The following PIK3CB variants were observed in gnomAD, a reference collection of about 807,000 sequenced individuals.
The protein encoded by PIK3CB is phosphatidylinositol-4,5-bisphosphate 3-kinase catalytic subunit beta, also known as phosphatidylinositol 4,5-bisphosphate 3-kinase catalytic subunit beta isoform.
PIK3CB carries 39 observed loss-of-function variants against 136.8 expected under a neutral mutation model. The observed-to-expected ratio is 0.29, with a 90% CI of 0.22 to 0.37. PIK3CB has a LOEUF of 0.37. PIK3CB is among the 10% of genes least tolerant of loss of function. The pLI is 1.00. For synonymous variants in PIK3CB, 428 were observed against 436.6 expected, an observed-to-expected ratio of 0.98 and a Z score of 0.25; for missense variants, 868 against 1,275.4, an observed-to-expected ratio of 0.68 and a Z score of 4.87.
rs1371407547 is a variant in PIK3CB at position 138,656,328 on chromosome 3, A to G, written c.2943-54T>C. ...CACAGTGTTAGAGGGGAGAGAGCAC[A>G]TTTCATACAGGAAATTAAGAAAACA... On this transcript the variant is annotated intron_variant, in intron 22 of 23. Coordinates refer to ENST00000674063, the MANE Select transcript of PIK3CB (RefSeq NM_006219.3). 5 of 1,581,084 alleles carry G rather than the reference A, an allele frequency of 3.2e-6. No homozygotes were observed. The Admixed American group carries it at 6.9e-5, about 22-fold the overall frequency.
intron 11 of PIK3CB, among the ~76,000 whole-genome samples, chr3:138,706,656 TTCTC>T (rs1291261699): frequency 3.3e-5 from 5 of 152,204 alleles, no homozygotes; most frequent in Non-Finnish European, 7.3e-5. Flanking sequence ...GAGATGCCTT[TTCTC>T]TCTCTCTTTT....
chr3:138,691,782 T>C (rs940743417), intron 14 of PIK3CB, among the ~76,000 whole-genome samples: 1 of 105,806 alleles, frequency 9.5e-6, no homozygotes, highest in Non-Finnish European at 2.1e-5. Flanking sequence ...AATTCATGAC[T>C]GTATTTTCAG....
intron 18 of PIK3CB, among the ~76,000 whole-genome samples, chr3:138,683,148 T>C (rs1047619066): frequency 1.3e-5 from 2 of 151,898 alleles, no homozygotes; most frequent in African/African-American, 4.8e-5. Flanking sequence ...AGCTCAGGAG[T>C]TCAATACCAC....
intron 6 of PIK3CB, among the ~76,000 whole-genome samples, chr3:138,735,592 A>G (rs1382957311): frequency 6.6e-6 from 1 of 152,164 alleles, no homozygotes; most frequent in Non-Finnish European, 1.5e-5. Context: ...AAGTATTACC[A>G]GCCGTCTTCC....
chr3:138,815,489 C>T (rs534871219), intron 1 of PIK3CB, among the ~76,000 whole-genome samples: 1 of 148,856 alleles, frequency 6.7e-6, no homozygotes, highest in Admixed American at 6.7e-5. Context: ...AACATCCATC[C>T]ATATATAAAT....
chr3:138,808,528 A>G (rs2046258748), intron 1 of PIK3CB, among the ~76,000 whole-genome samples: 1 of 152,028 alleles, frequency 6.6e-6, no homozygotes, highest in East Asian at 1.9e-4. Context: ...ACAAAGAAAA[A>G]TACAGAGCCA....
In PIK3CB at chr3:138,664,008, A is replaced by C. The variant is rs777541291; in HGVS notation, c.2694T>G (p.Ile898Met). The C allele has an allele frequency of 1.5e-5, 24 of 1,613,806 alleles. No individual in the cohort carries two copies. Among genetic ancestry groups the C allele is most frequent in the Non-Finnish European group, 2.0e-5 (24 of 1,179,952 alleles). The change falls in exon 21 of 24, where the codon ATT becomes ATG. Residue 898 changes from isoleucine to methionine, a missense_variant. Around this residue, in one of 4 missense-constraint regions of PIK3CB, gnomAD observed 165 missense variants for 295.4 expected, o/e 0.56. Coordinates refer to ENST00000674063, the MANE Select transcript of PIK3CB (RefSeq NM_006219.3). ...CAGCACAGGACAGTGTAAATTCCTC[A>C]ATGGCTCGGTCCAGGTCATCCCTGA... ...YNSGDDLDRA[I>M]EEFTLSCAGY... is the part of the protein sequence containing the mutation.
intron 2 of PIK3CB, among the ~76,000 whole-genome samples, chr3:138,764,281 T>C (rs2045703606): frequency 6.9e-6 from 1 of 145,916 alleles, no homozygotes; most frequent in Admixed American, 6.8e-5. Flanking sequence ...AGACCTCATC[T>C]ATCAAGAAAA....
intron 19 of PIK3CB, among the ~76,000 whole-genome samples, chr3:138,679,084 C>T (rs1036249175): frequency 6.6e-6 from 1 of 151,342 alleles, no homozygotes; most frequent in African/African-American, 2.4e-5. Flanking sequence ...AACAAACAAA[C>T]AAAAAAAGAA....
rs10605665 is a variant in PIK3CB at position 138,669,407 on chromosome 3, C to CAA, written c.2505-4206_2505-4205dup. Among the ~76,000 whole-genome samples, 15 of 81,394 alleles carry CAA rather than the reference C, an allele frequency of 1.8e-4. 1 individual carries two copies. Among genetic ancestry groups the CAA allele is most frequent in the South Asian group, 4.2e-4 (1 of 2,370 alleles). The allele number at this position is 81,394 out of a possible 152,430, so 53.4% of individuals were successfully genotyped here. On this transcript the variant is annotated intron_variant, in intron 19 of 23. Transcript: ENST00000674063. ...GGGGTGATACAGTGAGACCCTGTTT[C>CAA]AAAAAAAAAAAAAAAAAAAGGGGGG...
intron 11 of PIK3CB, among the ~76,000 whole-genome samples, chr3:138,704,968 T>C (rs905347893): frequency 2.0e-5 from 3 of 151,534 alleles, no homozygotes; most frequent in Admixed American, 1.3e-4. Flanking sequence ...ACTTTTTGTT[T>C]GTTTTTGAGA....
intron 19 of PIK3CB, among the ~76,000 whole-genome samples, chr3:138,669,365 G>A (rs2043482413): frequency 8.0e-6 from 1 of 125,240 alleles, no homozygotes; most frequent in Non-Finnish European, 1.6e-5. Context: ...CCATGATTGT[G>A]CTACTGCACT....
intron 6 of PIK3CB, 94 bp from the exon 7 acceptor site, chr3:138,734,898 C>T: frequency 1.3e-6 from 1 of 740,980 alleles, no homozygotes; most frequent in Non-Finnish European, 2.0e-6. Flanking sequence ...ATCAAATGCA[C>T]TGTGAAAGTA....
chr3:138,740,292 C>T (rs1372169221), intron 5 of PIK3CB, among the ~76,000 whole-genome samples: 2 of 152,148 alleles, frequency 1.3e-5, no homozygotes, highest in Non-Finnish European at 2.9e-5. Flanking sequence ...TGAAACGGGG[C>T]AGTTGCAGTG....
At chr3:138,733,102 T>C (rs1355197550) in intron 8 of PIK3CB, among the ~76,000 whole-genome samples, 1 of 149,882 alleles carries the variant, frequency 6.7e-6, no homozygotes, top group Non-Finnish European at 1.5e-5. Context: ...ATAGAAGAAA[T>C]ATGTAATATA....
At chr3:138,825,579 G>C in intron 1 of PIK3CB, 1 of 631,502 alleles carries the variant, frequency 1.6e-6, no homozygotes, top group South Asian at 2.0e-5. Flanking sequence ...CTTGGTTCAT[G>C]GGATAGAAAG....
chr3:138,664,235 T>C (rs1465662486), intron 20 of PIK3CB, among the ~76,000 whole-genome samples: 1 of 151,740 alleles, frequency 6.6e-6, no homozygotes, highest in Non-Finnish European at 1.5e-5. Flanking sequence ...TCAAAGACAT[T>C]AAATAACTGG....
At chr3:138,827,500 G>T (rs1262666278) in intron 1 of PIK3CB, among the ~76,000 whole-genome samples, 1 of 151,772 alleles carries the variant, frequency 6.6e-6, no homozygotes, top group Non-Finnish European at 1.5e-5. Flanking sequence ...TTCTACCTAA[G>T]AAATTTTTTT....
chr3:138,804,197 A>G (rs768638897), intron 1 of PIK3CB, among the ~76,000 whole-genome samples: 22 of 152,176 alleles, frequency 1.4e-4, no homozygotes, highest in Non-Finnish European at 2.8e-4. Context: ...GGCCTCTTAT[A>G]GAGAAAAAAT....
Sources: allele counts gnomAD v4.1 joint callset (sites outside exome capture counted in the v4.1 genomes callset), GRCh38; gene constraint gnomAD v4.1.1; regional missense constraint gnomAD v4.1.1; transcripts MANE v1.5; gene names NCBI Gene and HGNC (gene_info 2026-07-23, HGNC 2026-07-21).